The following PTPRD variants were observed in gnomAD, a reference collection of about 807,000 sequenced individuals.
PTPRD encodes receptor-type tyrosine-protein phosphatase delta.
A neutral mutation model predicts 214.5 loss-of-function variants in PTPRD; 34 were observed. The ratio of observed to expected loss-of-function variants is 0.16; its 90% CI spans 0.12 to 0.21. The LOEUF (loss-of-function observed/expected upper bound fraction) is 0.21. Among genes scored for constraint, PTPRD ranks in the 10% least tolerant of loss-of-function variants. The pLI, the probability that PTPRD is intolerant of heterozygous loss-of-function variation, is 1.00. For missense variants in PTPRD, 2,545 were observed against 2,398.7 expected, an observed-to-expected ratio of 1.06 and a Z score of -1.27; for synonymous variants, 1,128 against 845.7, an observed-to-expected ratio of 1.33 and a Z score of -5.79.
In PTPRD at chr9:10,156,758, A is replaced by C. The variant is rs140221282; in HGVS notation, c.-544-122968T>G. On this transcript the variant is annotated intron_variant, in intron 3 of 45. Coordinates refer to ENST00000381196, the MANE Select transcript of PTPRD (RefSeq NM_002839.4). ...TTGTGAAATCTCCCCCTATTGTTGC[A>C]TGGGAGTCTAAGTCTCTTGGAAAGT... Among the ~76,000 whole-genome samples the C allele has an allele frequency of 4.5e-3, 684 of 152,198 alleles. 1 individual carries two copies. The highest frequency in any genetic ancestry group is 7.0e-3 in the Non-Finnish European group (477 of 67,958).
chr9:10,151,244 C>A, intron 3 of PTPRD, among the ~76,000 whole-genome samples: 2 of 36,544 alleles, frequency 5.5e-5, no homozygotes, highest in East Asian at 7.0e-4. Context: ...TATTTCTAGA[C>A]TTTTTTGTTA....
intron 8 of PTPRD, among the ~76,000 whole-genome samples, chr9:9,454,502 T>A (rs1305484575): frequency 6.6e-6 from 1 of 151,800 alleles, no homozygotes; most frequent in Non-Finnish European, 1.5e-5. Context: ...CTAGTACAAT[T>A]ACACTGAATT....
At chr9:8,643,569 C>A (rs530055309) in intron 12 of PTPRD, among the ~76,000 whole-genome samples, 1 of 152,158 alleles carries the variant, frequency 6.6e-6, no homozygotes, top group African/African-American at 2.4e-5. Context: ...ATAGGGGAAG[C>A]GGGGAATAGG....
intron 5 of PTPRD, among the ~76,000 whole-genome samples, chr9:9,804,336 T>A (rs1281757796): frequency 2.0e-5 from 3 of 152,062 alleles, no homozygotes; most frequent in Non-Finnish European, 4.4e-5. Flanking sequence ...TGGCTGGAAA[T>A]ATGGATCCAG....
At chr9:8,369,426 A>T (rs979858270) in intron 39 of PTPRD, among the ~76,000 whole-genome samples, 2 of 151,726 alleles carry the variant, frequency 1.3e-5, no homozygotes, top group South Asian at 2.1e-4. Flanking sequence ...GAAGATTGGA[A>T]CTTAGGAGTT....
chr9:8,671,040 TG>T (rs1326143134), intron 12 of PTPRD, among the ~76,000 whole-genome samples: 3 of 152,318 alleles, frequency 2.0e-5, no homozygotes, highest in African/African-American at 7.2e-5. Context: ...CACTTAATAC[TG>T]TGGCAATAGA....
intron 10 of PTPRD, among the ~76,000 whole-genome samples, chr9:9,076,487 C>T (rs772704075): frequency 7.2e-5 from 11 of 152,014 alleles, no homozygotes; most frequent in Admixed American, 2.6e-4. Context: ...TCATTCTACT[C>T]GCTATCTCCA....
At chr9:10,051,038 A>G (rs1046595173) in intron 3 of PTPRD, among the ~76,000 whole-genome samples, 1 of 152,158 alleles carries the variant, frequency 6.6e-6, no homozygotes. Context: ...TAAGCATAAT[A>G]AAAGTTGTTA....
At position 8,315,388 on chromosome 9, in the gene PTPRD, C is replaced by G; in HGVS notation, c.*2486G>C. On this transcript the variant is annotated 3_prime_UTR_variant, in exon 46 of 46. Transcript: ENST00000381196. ...TGGCCAATCATTCTGGTGTGCAGTG[C>G]TCCATCGGATTCTACATGTCCAACA... is the stretch of plus-strand genomic sequence containing the variant. The G allele has an allele frequency of 4.3e-6, 1 of 232,562 alleles. No individual in the cohort carries two copies. The highest frequency in any genetic ancestry group is 8.5e-6 in the Non-Finnish European group (1 of 117,388). The allele number at this position is 232,562 out of a possible 1,614,324, so 14.4% of individuals were successfully genotyped here. A position where few individuals can be genotyped will look rare whatever the true frequency, so the allele number is the denominator to read the frequency against.
chr9:8,365,604 A>G (rs780655157), intron 39 of PTPRD, among the ~76,000 whole-genome samples: 2 of 152,126 alleles, frequency 1.3e-5, no homozygotes, highest in African/African-American at 2.4e-5. Context: ...AGGTTCAGCA[A>G]TGTGGCACTC....
intron 9 of PTPRD, among the ~76,000 whole-genome samples, chr9:9,355,976 A>C (rs1342821163): frequency 3.3e-5 from 5 of 151,470 alleles, no homozygotes; most frequent in African/African-American, 1.2e-4. Flanking sequence ...AGATTAAACA[A>C]AATGGGTCCA....
intron 3 of PTPRD, among the ~76,000 whole-genome samples, chr9:10,291,817 G>A (rs572418003): frequency 4.5e-4 from 69 of 152,106 alleles, no homozygotes; most frequent in African/African-American, 1.6e-3. Flanking sequence ...GAAGCCAGAG[G>A]AAACTAATGG....
At chr9:10,382,014 C>A (rs1586779067) in intron 2 of PTPRD, among the ~76,000 whole-genome samples, 1 of 151,848 alleles carries the variant, frequency 6.6e-6, no homozygotes, top group Non-Finnish European at 1.5e-5. Context: ...AGTAAGAAAA[C>A]TGAACCTTTC....
intron 5 of PTPRD, among the ~76,000 whole-genome samples, chr9:9,893,241 G>C (rs1010802237): frequency 1.3e-5 from 2 of 151,286 alleles, no homozygotes; most frequent in Non-Finnish European, 3.0e-5. Flanking sequence ...TAAGCAGCTA[G>C]TATCATGAGG....
chr9:8,625,067 T>C (rs184596618), intron 14 of PTPRD, among the ~76,000 whole-genome samples: 22 of 151,902 alleles, frequency 1.4e-4, no homozygotes, highest in African/African-American at 4.6e-4. Context: ...TTCTAGGCCA[T>C]AGAAAACTGT....
chr9:8,673,049 T>C (rs1057047168), intron 12 of PTPRD, among the ~76,000 whole-genome samples: 3 of 152,142 alleles, frequency 2.0e-5, no homozygotes, highest in African/African-American at 7.2e-5. Flanking sequence ...AGGTATTTCA[T>C]AAAACACTTG....
At chr9:9,901,313 A>G (rs1030495048) in intron 5 of PTPRD, among the ~76,000 whole-genome samples, 44 of 152,216 alleles carry the variant, frequency 2.9e-4, no homozygotes, top group African/African-American at 1.0e-3. Context: ...CTTTAAAACT[A>G]TTAGACCTTC....
At position 8,525,001 on chromosome 9, in the gene PTPRD, G is replaced by A. The variant is rs2139193687; in HGVS notation, c.603C>T (p.Asp201=). The change falls in exon 18 of 46, where the codon GAC becomes GAT. Residue 201 remains aspartate (D), a synonymous_variant. Transcript: ENST00000381196. ...TGGCAACACACTCATATTTTCCTTGGTCAGACTCTTCACTCTGCTCAATCT... is the reference window on the plus strand; with the variant it reads ...TGGCAACACACTCATATTTTCCTTGATCAGACTCTTCACTCTGCTCAATCT... ...ALQIEQSEES[D]QGKYECVATN... is the part of the protein sequence containing the mutation. The A allele has an allele frequency of 6.2e-7, 1 of 1,613,574 alleles. No individual in the cohort carries two copies. The highest frequency in any genetic ancestry group is 8.5e-7 in the Non-Finnish European group (1 of 1,179,670).
At chr9:10,233,071 G>A (rs2099617161) in intron 3 of PTPRD, among the ~76,000 whole-genome samples, 2 of 152,010 alleles carry the variant, frequency 1.3e-5, no homozygotes. Flanking sequence ...TGTATTTAGT[G>A]AAATTTGTTG....
Sources: gnomAD v4.1 joint callset for allele counts (sites outside exome capture counted in the v4.1 genomes callset) on GRCh38, gnomAD v4.1.1 for gene constraint, MANE v1.5 for transcripts, NCBI Gene and HGNC (gene_info 2026-07-23, HGNC 2026-07-21) for gene names.